The following SMAD2 variants were observed in gnomAD, a reference collection of about 807,000 sequenced individuals.
SMAD2 encodes the protein SMAD family member 2.
SMAD2 carries 8 observed loss-of-function variants against 64.4 expected under a neutral mutation model. The observed-to-expected ratio is 0.12, with a 90% CI of 0.07 to 0.22. SMAD2 has a LOEUF of 0.22. Ranked by LOEUF, SMAD2 falls within the 10% of genes least tolerant of loss-of-function variation. SMAD2 has a pLI of 1.00. For synonymous variants in SMAD2, 203 were observed against 195.8 expected, an observed-to-expected ratio of 1.04 and a Z score of -0.31; for missense variants, 289 against 561.2, an observed-to-expected ratio of 0.51 and a Z score of 4.90.
intron 1 of SMAD2, among the ~76,000 whole-genome samples, chr18:47,901,244 T>C (rs2033673259): frequency 1.3e-5 from 2 of 152,200 alleles, no homozygotes; most frequent in South Asian, 4.1e-4. Flanking sequence ...TCAATCCCCT[T>C]ACACTATAAA....
At chr18:47,919,219 A>G (rs1454222321) in intron 1 of SMAD2, among the ~76,000 whole-genome samples, 2 of 152,136 alleles carry the variant, frequency 1.3e-5, no homozygotes, top group African/African-American at 4.8e-5. Flanking sequence ...AAAATTTCCA[A>G]CCTAGACTTA....
chr18:47,818,800 A>G lies in SMAD2; in HGVS notation c.*23027T>C, dbSNP rs935142488. The G allele has an allele frequency of 1.3e-5, 2 of 152,236 alleles. No homozygotes were observed. The highest frequency in any genetic ancestry group is 2.9e-5 in the Non-Finnish European group (2 of 68,040). The allele number at this position is 152,236 out of a possible 1,614,324, so 9.4% of individuals were successfully genotyped here. On this transcript the variant is annotated 3_prime_UTR_variant, in exon 11 of 11. Coordinates refer to ENST00000262160, the MANE Select transcript of SMAD2 (RefSeq NM_005901.6). ...TTAAAAATCCAAACTGCTATTTACC[A>G]AAACTTTTGGTTCACAGCTTTCATA... is the stretch of plus-strand genomic sequence containing the variant.
Position 47,848,554 on chromosome 18 carries a change from T to C in SMAD2, c.918A>G (p.Ser306=), listed in dbSNP as rs770176613. ...SLTVDGFTDP[S]NSERFCLGLL... ...AACCTAAGCAGAACCTCTCTGAATTTGATGGGTCTGTAAAGCCATCTACAG... is the reference window on the plus strand; with the variant it reads ...AACCTAAGCAGAACCTCTCTGAATTCGATGGGTCTGTAAAGCCATCTACAG... The change falls in exon 8 of 11, where the codon TCA becomes TCG. Residue 306 remains serine (S), a synonymous_variant. Transcript: ENST00000262160. 1.9e-6 allele frequency: 3 copies of C among 1,614,074 alleles called. No homozygotes were observed. Among genetic ancestry groups the C allele is most frequent in the Non-Finnish European group, 1.7e-6 (2 of 1,179,920 alleles).
Position 47,837,561 on chromosome 18 carries a change from C to CAACAAA in SMAD2, c.*4265_*4266insTTTGTT. 1 of 153,174 alleles carries CAACAAA rather than the reference C, an allele frequency of 6.5e-6. No individual in the cohort carries two copies. Among genetic ancestry groups the CAACAAA allele is most frequent in the Non-Finnish European group, 1.2e-5 (1 of 85,802 alleles). The allele number at this position is 153,174 out of a possible 1,614,324, so 9.5% of individuals were successfully genotyped here. On this transcript the variant is annotated 3_prime_UTR_variant, in exon 11 of 11. Coordinates refer to ENST00000262160, the MANE Select transcript of SMAD2 (RefSeq NM_005901.6). ...TGGGCAACAGAGCGAGACTCCCTCT[C>CAACAAA]AAAAAAAAAAAAAAAAAACAAAAAA... is the stretch of plus-strand genomic sequence containing the variant.
chr18:47,925,767 G>A (rs1266437202), intron 1 of SMAD2, among the ~76,000 whole-genome samples: 2 of 152,114 alleles, frequency 1.3e-5, no homozygotes, highest in Non-Finnish European at 2.9e-5. Flanking sequence ...CATATTACAA[G>A]GTCACCAATA....
rs1320087591 is a variant in SMAD2, at chr18:47,924,705, C to T, written c.-54+5656G>A. Among the ~76,000 whole-genome samples, 12 of 152,142 alleles carry T rather than the reference C, an allele frequency of 7.9e-5. No homozygotes were observed. In the East Asian group the frequency reaches 2.3e-3, roughly 29 times the overall value. ...TCAAACTCCTGACCTCAAAGTGATC[C>T]GCCCGCCTCAGCCTCCCAAAGTGCT... On this transcript the variant is annotated intron_variant, in intron 1 of 10. Transcript: ENST00000262160.
rs1342965106 is a variant in SMAD2, at chr18:47,815,113, C to G, written c.*26714G>C. On this transcript the variant is annotated 3_prime_UTR_variant, in exon 11 of 11. Coordinates refer to ENST00000262160, the MANE Select transcript of SMAD2 (RefSeq NM_005901.6). ...ACCTGGAGATGACTGTTCTCACCCACTAGATGCCATCATGAGGAAGAAGCT... is the reference window on the plus strand; with the variant it reads ...ACCTGGAGATGACTGTTCTCACCCAGTAGATGCCATCATGAGGAAGAAGCT... 1 of 152,276 alleles carries G rather than the reference C, an allele frequency of 6.6e-6. No individual in the cohort carries two copies. Among genetic ancestry groups the G allele is most frequent in the East Asian group, 1.9e-4 (1 of 5,190 alleles). 9.4% of individuals were successfully genotyped at this position (152,276 alleles called of 1,614,324 possible).
Position 47,838,746 on chromosome 18 carries a change from G to T in SMAD2, c.*3081C>A, listed in dbSNP as rs1177533926. The T allele has an allele frequency of 8.6e-6, 2 of 232,226 alleles. No homozygotes were observed. The highest frequency in any genetic ancestry group is 1.7e-5 in the Non-Finnish European group (2 of 117,518). 14.4% of individuals were successfully genotyped at this position (232,226 alleles called of 1,614,324 possible). A position where few individuals can be genotyped will look rare whatever the true frequency, so the allele number is the denominator to read the frequency against. On this transcript the variant is annotated 3_prime_UTR_variant, in exon 11 of 11. Transcript: ENST00000262160. ...CAGTTCTTCAGTACAGAATAAATAT[G>T]CCACTAAGTCAGTGAGAACTCCAAC...
intron 2 of SMAD2, among the ~76,000 whole-genome samples, chr18:47,890,476 G>T (rs1009731197): frequency 6.6e-6 from 1 of 152,124 alleles, no homozygotes; most frequent in Non-Finnish European, 1.5e-5. Flanking sequence ...AGAGAACGAA[G>T]ACCTAGAATA....
chr18:47,923,230 T>G (rs908620791), intron 1 of SMAD2, among the ~76,000 whole-genome samples: 1 of 148,436 alleles, frequency 6.7e-6, no homozygotes, highest in Non-Finnish European at 1.5e-5. Context: ...CAGACTCAAA[T>G]CAGCACAAAT....
At chr18:47,859,620 G>C (rs1486444329) in intron 6 of SMAD2, among the ~76,000 whole-genome samples, 4 of 152,072 alleles carry the variant, frequency 2.6e-5, no homozygotes, top group Admixed American at 1.3e-4. Flanking sequence ...CATAAAATTT[G>C]TAATATAGAG....
intron 6 of SMAD2, among the ~76,000 whole-genome samples, chr18:47,854,385 A>G (rs1180984564): frequency 6.6e-6 from 1 of 152,038 alleles, no homozygotes; most frequent in Admixed American, 6.6e-5. Flanking sequence ...GTGCCAAAAT[A>G]CCCTCTCAAA....
chr18:47,818,717 C>A lies in SMAD2; in HGVS notation c.*23110G>T, dbSNP rs1352060021. 1 of 152,160 alleles carries A rather than the reference C, an allele frequency of 6.6e-6. No individual in the cohort carries two copies. The highest frequency in any genetic ancestry group is 6.5e-5 in the Admixed American group (1 of 15,270). 9.4% of individuals were successfully genotyped at this position (152,160 alleles called of 1,614,324 possible). A position where few individuals can be genotyped will look rare whatever the true frequency, so the allele number is the denominator to read the frequency against. ...TAAGCATTTAAATATTAACATTAAA[C>A]TCATTTGAAACTGAAAAAAGGGAAA... On this transcript the variant is annotated 3_prime_UTR_variant, in exon 11 of 11. Transcript: ENST00000262160.
chr18:47,817,295 C>T lies in SMAD2; in HGVS notation c.*24532G>A, dbSNP rs1912405502. On this transcript the variant is annotated 3_prime_UTR_variant, in exon 11 of 11. Coordinates refer to ENST00000262160, the MANE Select transcript of SMAD2 (RefSeq NM_005901.6). ...GTGAGTCTTTTCTCAGGCAGAGCCT[C>T]CCACTTTTGGCAGAGGCTTTTTGAC... 6.6e-6 allele frequency: 1 copy of T among 152,250 alleles called. No individual in the cohort carries two copies. Among genetic ancestry groups the T allele is most frequent in the Non-Finnish European group, 1.5e-5 (1 of 68,064 alleles). 9.4% of individuals were successfully genotyped at this position (152,250 alleles called of 1,614,324 possible).
In SMAD2 at chr18:47,810,532, A is replaced by C. The variant is rs1339149433; in HGVS notation, c.*31295T>G. 6.6e-6 allele frequency: 1 copy of C among 152,232 alleles called. No individual in the cohort carries two copies. The highest frequency in any genetic ancestry group is 1.5e-5 in the Non-Finnish European group (1 of 68,042). 9.4% of individuals were successfully genotyped at this position (152,232 alleles called of 1,614,324 possible). On this transcript the variant is annotated 3_prime_UTR_variant, in exon 11 of 11. Coordinates refer to ENST00000262160, the MANE Select transcript of SMAD2 (RefSeq NM_005901.6). ...GGCATTAGTGGCACCTGTGACAGCA[A>C]ATCAAGGTCCTCCCAAATAAAAAGT...
At chr18:47,845,821 G>T in intron 8 of SMAD2, 21 bp from the exon 9 acceptor site, 8 of 1,609,738 alleles carry the variant, frequency 5.0e-6, no homozygotes, top group Non-Finnish European at 6.8e-6. Flanking sequence ...ATACAAATGA[G>T]ATTAGTTTTG....
chr18:47,852,703 C>G (rs985638544), intron 6 of SMAD2, among the ~76,000 whole-genome samples: 4 of 152,104 alleles, frequency 2.6e-5, no homozygotes. Flanking sequence ...GCTCTATTTT[C>G]TGGAGTCAGT....
At position 47,840,915 on chromosome 18, in the gene SMAD2, A is replaced by G; in HGVS notation, c.*912T>C. 4.3e-6 allele frequency: 1 copy of G among 232,564 alleles called. No individual in the cohort carries two copies. Among genetic ancestry groups the G allele is most frequent in the Non-Finnish European group, 8.5e-6 (1 of 117,604 alleles). 14.4% of individuals were successfully genotyped at this position (232,564 alleles called of 1,614,324 possible). A position where few individuals can be genotyped will look rare whatever the true frequency, so the allele number is the denominator to read the frequency against. On this transcript the variant is annotated 3_prime_UTR_variant, in exon 11 of 11. Transcript: ENST00000262160. ...GAAGGATAAATCAACAGACTGCTAG[A>G]TTATACAAGCCAATTATTCCTGTTG... is the stretch of plus-strand genomic sequence containing the variant.
At chr18:47,876,254 A>C (rs2032256034) in intron 2 of SMAD2, among the ~76,000 whole-genome samples, 1 of 152,072 alleles carries the variant, frequency 6.6e-6, no homozygotes, top group Non-Finnish European at 1.5e-5. Context: ...TCATGTATTG[A>C]AAAATATCAG....
Sources: gnomAD v4.1 joint callset for allele counts (sites outside exome capture counted in the v4.1 genomes callset) on GRCh38, gnomAD v4.1.1 for gene constraint, MANE v1.5 for transcripts, NCBI Gene and HGNC (gene_info 2026-07-23, HGNC 2026-07-21) for gene names.